GHR: variants seen among roughly 807,000 people sequenced by gnomAD.
The protein encoded by GHR is growth hormone receptor, also known as GH receptor.
Under a neutral mutation model 67.1 loss-of-function variants are expected in GHR, and 35 were observed. That is an observed-to-expected ratio of 0.52 (90% CI 0.40 to 0.69). GHR has a LOEUF of 0.69. GHR is among the 30% of genes least tolerant of loss of function. The pLI is 0.00. For missense variants in GHR, 792 were observed against 764.6 expected (o/e 1.04, Z -0.42); for synonymous variants, 272 against 269.1 (o/e 1.01, Z -0.10).
intron 3 of GHR, among the ~76,000 whole-genome samples, chr5:42,657,111 G>A (rs1755295571): frequency 6.6e-6 from 1 of 152,092 alleles, no homozygotes; most frequent in African/African-American, 2.4e-5. Flanking sequence ...GGGCTTAGCA[G>A]TTGGTGGATA....
chr5:42,626,845 G>C (rs1421465242), intron 2 of GHR, among the ~76,000 whole-genome samples: 1 of 152,150 alleles, frequency 6.6e-6, no homozygotes, highest in Non-Finnish European at 1.5e-5. Context: ...GAGCCATGCT[G>C]ACCCTCTAAG....
At chr5:42,434,582 T>C (rs1437324833) in intron 1 of GHR, among the ~76,000 whole-genome samples, 1 of 152,168 alleles carries the variant, frequency 6.6e-6, no homozygotes. Flanking sequence ...TATAACTCAA[T>C]TCTTTTAGTT....
chr5:42,525,570 G>A (rs1344295183), intron 1 of GHR, among the ~76,000 whole-genome samples: 1 of 152,154 alleles, frequency 6.6e-6, no homozygotes, highest in African/African-American at 2.4e-5. Flanking sequence ...TAAGACTTTG[G>A]GGGACTGCTG....
chr5:42,654,852 A>G (rs968730215), intron 3 of GHR, among the ~76,000 whole-genome samples: 1 of 152,164 alleles, frequency 6.6e-6, no homozygotes, highest in Non-Finnish European at 1.5e-5. Context: ...TATGCAGACT[A>G]TGATTGCAGC....
intron 1 of GHR, among the ~76,000 whole-genome samples, chr5:42,442,347 A>T (rs1002302746): frequency 6.6e-6 from 1 of 152,166 alleles, no homozygotes; most frequent in Non-Finnish European, 1.5e-5. Context: ...AAAATATATG[A>T]GCCTTTTTGG....
intron 6 of GHR, among the ~76,000 whole-genome samples, chr5:42,701,267 G>A (rs1757914671): frequency 6.6e-6 from 1 of 152,180 alleles, no homozygotes; most frequent in Non-Finnish European, 1.5e-5. Flanking sequence ...TAATAGTCAT[G>A]CACTCCCAAT....
At chr5:42,641,554 A>G (rs1365885128) in intron 3 of GHR, among the ~76,000 whole-genome samples, 1 of 151,982 alleles carries the variant, frequency 6.6e-6, no homozygotes, top group Non-Finnish European at 1.5e-5. Context: ...CTAGATCTGG[A>G]ATTCTGTGGT....
At chr5:42,488,291 T>G (rs760785303) in intron 1 of GHR, among the ~76,000 whole-genome samples, 3 of 152,200 alleles carry the variant, frequency 2.0e-5, no homozygotes, top group Non-Finnish European at 2.9e-5. Context: ...TCATTCCCCT[T>G]TTATAGATGG....
At chr5:42,500,549 A>C (rs1746497854) in intron 1 of GHR, among the ~76,000 whole-genome samples, 1 of 152,230 alleles carries the variant, frequency 6.6e-6, no homozygotes, top group Non-Finnish European at 1.5e-5. Flanking sequence ...AATGTTATAT[A>C]ATACCAAAAT....
At chr5:42,628,616 A>G (rs1580085607) in intron 2 of GHR, among the ~76,000 whole-genome samples, 1 of 132,290 alleles carries the variant, frequency 7.6e-6, no homozygotes, top group East Asian at 2.0e-4. Context: ...AAAACTGTAC[A>G]GAAGCTTCGA....
chr5:42,515,963 G>T (rs6876736), intron 1 of GHR, among the ~76,000 whole-genome samples: 1 of 152,056 alleles, frequency 6.6e-6, no homozygotes, highest in African/African-American at 2.4e-5. Flanking sequence ...TTTGTGAAAC[G>T]AATAACAATA....
At chr5:42,563,949 A>G (rs1749778077) in intron 1 of GHR, among the ~76,000 whole-genome samples, 1 of 152,270 alleles carries the variant, frequency 6.6e-6, no homozygotes, top group South Asian at 2.1e-4. Context: ...ACCTAGGAGT[A>G]AAGGACATTG....
At chr5:42,702,047 C>CT (rs908913488) in intron 6 of GHR, among the ~76,000 whole-genome samples, 2 of 151,898 alleles carry the variant, frequency 1.3e-5, no homozygotes, top group African/African-American at 4.8e-5. Flanking sequence ...CCACACATAC[C>CT]TTTTTTTGTG....
At chr5:42,709,179 G>T (rs1758330731) in intron 6 of GHR, among the ~76,000 whole-genome samples, 1 of 152,114 alleles carries the variant, frequency 6.6e-6, no homozygotes, top group Admixed American at 6.6e-5. Flanking sequence ...CTGTCCCCAG[G>T]CTAGAGTACA....
intron 1 of GHR, among the ~76,000 whole-genome samples, chr5:42,472,968 G>T (rs1353928785): frequency 6.6e-6 from 1 of 152,164 alleles, no homozygotes; most frequent in African/African-American, 2.4e-5. Flanking sequence ...CCTTAAGATT[G>T]GGTGAATTGC....
Position 42,575,731 on chromosome 5 carries a change from T to TA in GHR, c.70+9799dup, listed in dbSNP as rs34968925. Among the ~76,000 whole-genome samples the TA allele has an allele frequency of 8.8e-3, 1,223 of 139,346 alleles. 13 individuals are homozygous for TA. The highest frequency in any genetic ancestry group is 0.025 in the African/African-American group (936 of 37,826). The allele number at this position is 139,346 out of a possible 152,430, so 91.4% of individuals were successfully genotyped here. Reference sequence around the variant, plus strand: ...TGAAACCACACATGAAGCCTGCATGTAAAAAAAAAAAAGGTAAAGAGGGGC... The same window carrying TA: ...TGAAACCACACATGAAGCCTGCATGTAAAAAAAAAAAAAGGTAAAGAGGGGC... On this transcript the variant is annotated intron_variant, in intron 2 of 9. Transcript: ENST00000230882.
intron 3 of GHR, among the ~76,000 whole-genome samples, chr5:42,668,658 ATATT>A (rs1423807506): frequency 6.6e-6 from 1 of 152,152 alleles, no homozygotes; most frequent in Non-Finnish European, 1.5e-5. Context: ...GTATATATAA[ATATT>A]AATATAAAAA....
chr5:42,575,393 T>A (rs1421680114), intron 2 of GHR, among the ~76,000 whole-genome samples: 1 of 152,146 alleles, frequency 6.6e-6, no homozygotes, highest in East Asian at 1.9e-4. Flanking sequence ...CAAGGATTCC[T>A]ATGAAAGTGA....
chr5:42,709,155 C>A (rs556717787), intron 6 of GHR, among the ~76,000 whole-genome samples: 9 of 152,116 alleles, frequency 5.9e-5, no homozygotes, highest in East Asian at 5.8e-4. Context: ...TTCTCCCCCC[C>A]ACAGGATCTT....
Sources: gnomAD v4.1 joint callset for allele counts (sites outside exome capture counted in the v4.1 genomes callset) on GRCh38, gnomAD v4.1.1 for gene constraint, MANE v1.5 for transcripts, NCBI Gene and HGNC (gene_info 2026-07-23, HGNC 2026-07-21) for gene names.